PTPRO: variants seen among roughly 807,000 people sequenced by gnomAD.
The protein encoded by PTPRO is protein tyrosine phosphatase receptor type O.
PTPRO carries 62 observed loss-of-function variants against 145.2 expected under a neutral mutation model. The observed-to-expected ratio is 0.43, with a 90% CI of 0.35 to 0.53. The LOEUF (loss-of-function observed/expected upper bound fraction) is 0.53, where lower values mean the gene tolerates loss of function less well. Among genes scored for constraint, PTPRO ranks in the 20% least tolerant of loss-of-function variants. The pLI, the probability that PTPRO is intolerant of heterozygous loss-of-function variation, is 0.01. For missense variants in PTPRO, 1,345 were observed against 1,482.7 expected (o/e 0.91, Z 1.53); for synonymous variants, 565 against 514.7 (o/e 1.10, Z -1.32).
At chr12:15,455,789 A>C (rs1180252887) in intron 1 of PTPRO, among the ~76,000 whole-genome samples, 1 of 152,112 alleles carries the variant, frequency 6.6e-6, no homozygotes, top group Non-Finnish European at 1.5e-5. Context: ...ATATCAGGTA[A>C]TGTCATCTGC....
intron 12 of PTPRO, among the ~76,000 whole-genome samples, chr12:15,531,077 A>G (rs889616186): frequency 1.3e-5 from 2 of 152,184 alleles, no homozygotes; most frequent in African/African-American, 2.4e-5. Context: ...ATGAGAGACT[A>G]CTATGAACAG....
At chr12:15,517,083 C>A in intron 9 of PTPRO, 127 bp downstream of exon 9, 1 of 896,648 alleles carries the variant, frequency 1.1e-6, no homozygotes, top group Non-Finnish European at 1.8e-6. Context: ...TGTGTTAGTT[C>A]ATTTTCACAC....
At chr12:15,448,370 G>A (rs1422617783) in intron 1 of PTPRO, among the ~76,000 whole-genome samples, 2 of 44,534 alleles carry the variant, frequency 4.5e-5, no homozygotes, top group Non-Finnish European at 1.3e-4. Context: ...AGCACCGATT[G>A]AGAAGGAAGT....
chr12:15,488,482 G>T (rs902841578), intron 2 of PTPRO, among the ~76,000 whole-genome samples: 1 of 152,128 alleles, frequency 6.6e-6, no homozygotes, highest in African/African-American at 2.4e-5. Flanking sequence ...GTCAGTTAAT[G>T]ATGTGTTTTT....
chr12:15,596,143 C>T lies in PTPRO; in HGVS notation c.*70C>T, dbSNP rs977272968. On this transcript the variant is annotated 3_prime_UTR_variant, in exon 27 of 27. Transcript: ENST00000281171. ...CTTGCTTCCAGATTGTTTTAGTGGG[C>T]CCTGATGGTCATTTTTCTAAACAGA... The T allele has an allele frequency of 6.6e-6, 1 of 152,408 alleles. No homozygotes were observed. Among genetic ancestry groups the T allele is most frequent in the Non-Finnish European group, 1.5e-5 (1 of 68,036 alleles). The allele number at this position is 152,408 out of a possible 1,614,324, so 9.4% of individuals were successfully genotyped here.
chr12:15,472,008 C>T (rs253828), intron 1 of PTPRO, among the ~76,000 whole-genome samples: 140,820 of 152,272 alleles, frequency 0.92, 65,911 homozygotes, highest in East Asian at 1. Flanking sequence ...ATGCATTATG[C>T]AATGTCTGCA....
intron 1 of PTPRO, among the ~76,000 whole-genome samples, chr12:15,459,549 T>G (rs1591830397): frequency 6.6e-6 from 1 of 152,220 alleles, no homozygotes; most frequent in Admixed American, 6.5e-5. Context: ...TTCAGTGTGG[T>G]TGGTTTTTTG....
chr12:15,484,925 G>A (rs1941855130), intron 2 of PTPRO, among the ~76,000 whole-genome samples: 1 of 151,994 alleles, frequency 6.6e-6, no homozygotes, highest in Admixed American at 6.6e-5. Context: ...ATTAAGATGT[G>A]ACTCTACTGT....
At chr12:15,534,518 A>G (rs1160717202) in intron 12 of PTPRO, among the ~76,000 whole-genome samples, 1 of 152,164 alleles carries the variant, frequency 6.6e-6, no homozygotes, top group Non-Finnish European at 1.5e-5. Context: ...GTGAAGGGGA[A>G]GATGGTAATA....
chr12:15,329,035 A>T (rs575675487), intron 1 of PTPRO, among the ~76,000 whole-genome samples: 1 of 152,108 alleles, frequency 6.6e-6, no homozygotes, highest in Admixed American at 6.6e-5. Context: ...GATAACTGAG[A>T]CTTTGTTTTA....
intron 11 of PTPRO, 26 bp downstream of exon 11, chr12:15,524,991 G>A (rs778823707): frequency 6.2e-7 from 1 of 1,611,908 alleles, no homozygotes; most frequent in Non-Finnish European, 8.5e-7. Flanking sequence ...TGCCAGCATT[G>A]TGTGTCTGTA....
intron 16 of PTPRO, 52 bp from the exon 17 acceptor site, chr12:15,560,139 ACT>A: frequency 7.7e-7 from 1 of 1,297,904 alleles, no homozygotes; most frequent in Non-Finnish European, 1.1e-6. Flanking sequence ...AGTTTATATT[ACT>A]AACTCTTGCA....
intron 1 of PTPRO, among the ~76,000 whole-genome samples, chr12:15,455,505 A>C (rs1404660206): frequency 6.6e-6 from 1 of 152,074 alleles, no homozygotes. Flanking sequence ...CACCTTTCCA[A>C]TTGTTTGTGT....
chr12:15,513,465 A>C (rs1333556859), intron 7 of PTPRO, among the ~76,000 whole-genome samples: 1 of 152,224 alleles, frequency 6.6e-6, no homozygotes, highest in South Asian at 2.1e-4. Context: ...ATATAATCTT[A>C]TTTTGTTTAA....
At position 15,499,479 on chromosome 12, in the gene PTPRO, G is replaced by C. The variant is rs764549616; in HGVS notation, c.546G>C (p.Leu182=). The change falls in exon 4 of 27, where the codon CTG becomes CTC. Residue 182 remains leucine (L), a synonymous_variant. Transcript: ENST00000281171. ...FKGKTVFNHW[L]PGMCYSNITF... is the part of the protein sequence containing the mutation. Reference sequence around the variant, plus strand: ...GAAAAACAGTATTTAATCACTGGCTGCCAGGAATGTGTTATAGTAATATCA... The same window carrying C: ...GAAAAACAGTATTTAATCACTGGCTCCCAGGAATGTGTTATAGTAATATCA... 1 of 1,613,548 alleles carries C rather than the reference G, an allele frequency of 6.2e-7. No individual in the cohort carries two copies. The highest frequency in any genetic ancestry group is 1.1e-5 in the South Asian group (1 of 91,066).
chr12:15,351,964 A>C (rs1231220122), intron 1 of PTPRO, among the ~76,000 whole-genome samples: 1 of 152,210 alleles, frequency 6.6e-6, no homozygotes, highest in Admixed American at 6.5e-5. Context: ...CACACCAAGA[A>C]GATAGGCAGG....
chr12:15,427,312 A>G (rs1219962383), intron 1 of PTPRO, among the ~76,000 whole-genome samples: 1 of 151,976 alleles, frequency 6.6e-6, no homozygotes, highest in Non-Finnish European at 1.5e-5. Flanking sequence ...ATCTTCACCC[A>G]CATTAATTTT....
At chr12:15,537,707 CT>C (rs1407299971) in intron 12 of PTPRO, among the ~76,000 whole-genome samples, 1 of 152,154 alleles carries the variant, frequency 6.6e-6, no homozygotes, top group Non-Finnish European at 1.5e-5. Flanking sequence ...GTGAAAACAG[CT>C]TGTCTGTAGA....
intron 1 of PTPRO, among the ~76,000 whole-genome samples, chr12:15,365,372 GA>G (rs1328113142): frequency 2.0e-5 from 3 of 152,082 alleles, no homozygotes; most frequent in African/African-American, 7.2e-5. Flanking sequence ...ATTACTGTTT[GA>G]AATGTGTTTA....
Sources: gnomAD v4.1 joint callset for allele counts (sites outside exome capture counted in the v4.1 genomes callset) on GRCh38, gnomAD v4.1.1 for gene constraint, MANE v1.5 for transcripts, NCBI Gene and HGNC (gene_info 2026-07-23, HGNC 2026-07-21) for gene names.